RSPO3: variants seen among roughly 807,000 people sequenced by gnomAD.
RSPO3 encodes the protein R-spondin 3.
RSPO3 carries 17 observed loss-of-function variants against 36.5 expected under a neutral mutation model. That is an observed-to-expected ratio of 0.47 (90% confidence interval 0.32 to 0.70). The LOEUF is 0.70. Among genes scored for constraint, RSPO3 ranks in the 30% least tolerant of loss-of-function variants. The pLI, the probability that RSPO3 is intolerant of heterozygous loss-of-function variation, is 0.04. For synonymous variants in RSPO3, 108 were observed against 107.0 expected (o/e 1.01, Z -0.06); for missense variants, 294 against 322.5 (o/e 0.91, Z 0.68).
At chr6:127,141,664 G>A (rs1174578264) in intron 1 of RSPO3, among the ~76,000 whole-genome samples, 1 of 152,134 alleles carries the variant, frequency 6.6e-6, no homozygotes, top group East Asian at 1.9e-4. Flanking sequence ...GAGACTCTTA[G>A]GAATTCTGTC....
At chr6:127,170,419 T>C (rs939679441) in intron 4 of RSPO3, among the ~76,000 whole-genome samples, 1 of 147,496 alleles carries the variant, frequency 6.8e-6, no homozygotes, top group Admixed American at 6.9e-5. Context: ...GAAAACAGCA[T>C]GGTGGTTCCA....
intron 4 of RSPO3, among the ~76,000 whole-genome samples, chr6:127,175,620 A>G (rs1668848356): frequency 6.6e-6 from 1 of 151,774 alleles, no homozygotes; most frequent in Non-Finnish European, 1.5e-5. Context: ...AATTTGCTTA[A>G]GAAATCCTTT....
rs1438274483 is a variant in RSPO3 at position 127,148,638 on chromosome 6, G to T, written c.98-10G>T. 6.3e-7 allele frequency: 1 copy of T among 1,599,170 alleles called. No homozygotes were observed. Among genetic ancestry groups the T allele is most frequent in the Non-Finnish European group, 8.5e-7 (1 of 1,170,728 alleles). On this transcript the variant is annotated splice_polypyrimidine_tract_variant and intron_variant, in intron 1 of 4. Transcript: ENST00000356698. ...ACCTTTGTAATGTCTTTCTACATTT[G>T]TCTCCACAGTGCATCCTAACGTTAG...
intron 4 of RSPO3, among the ~76,000 whole-genome samples, chr6:127,191,015 GAAT>G (rs1775398962): frequency 6.6e-6 from 1 of 152,120 alleles, no homozygotes; most frequent in Non-Finnish European, 1.5e-5. Context: ...AAGTTAGGAA[GAAT>G]AATTCAGGAT....
At position 127,197,270 on chromosome 6, in the gene RSPO3, AC is replaced by A; in HGVS notation, c.*1264del. The A allele has an allele frequency of 1.2e-6, 1 of 852,170 alleles. No homozygotes were observed. The highest frequency in any genetic ancestry group is 1.8e-6 in the Non-Finnish European group (1 of 568,432). 52.8% of individuals were successfully genotyped at this position (852,170 alleles called of 1,614,324 possible). On this transcript the variant is annotated 3_prime_UTR_variant, in exon 5 of 5. Coordinates refer to ENST00000356698, the MANE Select transcript of RSPO3 (RefSeq NM_032784.5). ...TTATTCCATTTTCTTATTTTAATCA[AC>A]ATTCTAATTATAGACACATGGGCCT...
At chr6:127,124,496 A>C (rs1306031945) in intron 1 of RSPO3, among the ~76,000 whole-genome samples, 1 of 151,996 alleles carries the variant, frequency 6.6e-6, no homozygotes, top group Non-Finnish European at 1.5e-5. Flanking sequence ...CTAACAGTGC[A>C]TTATGTGCTG....
At chr6:127,144,448 C>T (rs1774339253) in intron 1 of RSPO3, among the ~76,000 whole-genome samples, 1 of 152,040 alleles carries the variant, frequency 6.6e-6, no homozygotes, top group African/African-American at 2.4e-5. Flanking sequence ...ATTATGATAG[C>T]TTCTACTTAC....
intron 4 of RSPO3, among the ~76,000 whole-genome samples, chr6:127,172,878 A>G (rs992879474): frequency 6.6e-6 from 1 of 151,824 alleles, no homozygotes; most frequent in African/African-American, 2.4e-5. Context: ...TTCTGAGTCC[A>G]GTGATATTTC....
chr6:127,188,426 A>T (rs1420773537), intron 4 of RSPO3, among the ~76,000 whole-genome samples: 1 of 152,132 alleles, frequency 6.6e-6, no homozygotes, highest in Non-Finnish European at 1.5e-5. Context: ...TAGCATTTTA[A>T]AATTTTAAAG....
intron 4 of RSPO3, among the ~76,000 whole-genome samples, chr6:127,161,335 A>G (rs1262016699): frequency 6.6e-6 from 1 of 152,038 alleles, no homozygotes; most frequent in Non-Finnish European, 1.5e-5. Flanking sequence ...TTTACATCCT[A>G]TTGTATGTTC....
chr6:127,170,032 C>T (rs966712225), intron 4 of RSPO3, among the ~76,000 whole-genome samples: 1 of 151,570 alleles, frequency 6.6e-6, no homozygotes, highest in African/African-American at 2.4e-5. Context: ...CAGATTTGAG[C>T]ATTAGACTAA....
chr6:127,166,974 A>C (rs1056139665), intron 4 of RSPO3, among the ~76,000 whole-genome samples: 6 of 151,978 alleles, frequency 3.9e-5, no homozygotes, highest in African/African-American at 1.4e-4. Flanking sequence ...ATTAAGTAAA[A>C]CACCACTTAA....
chr6:127,148,282 A>AG (rs1182331515), intron 1 of RSPO3, among the ~76,000 whole-genome samples: 1 of 151,908 alleles, frequency 6.6e-6, no homozygotes, highest in African/African-American at 2.4e-5. Flanking sequence ...CCAATCTCCC[A>AG]GGGTGCTAGT....
intron 2 of RSPO3, 142 bp downstream of exon 2, chr6:127,148,981 T>G (rs1471770234): frequency 5.7e-6 from 4 of 704,178 alleles, no homozygotes; most frequent in Non-Finnish European, 8.7e-6. Flanking sequence ...ATACTTGGAC[T>G]TAACCCTCAG....
chr6:127,120,977 C>A (rs1229630015), intron 1 of RSPO3, among the ~76,000 whole-genome samples: 1 of 152,222 alleles, frequency 6.6e-6, no homozygotes, highest in Non-Finnish European at 1.5e-5. Flanking sequence ...CAGGGTCTGG[C>A]CTGGGGAATT....
rs372625603 is a variant in RSPO3, at chr6:127,196,028, T to C, written c.*21T>C. On this transcript the variant is annotated 3_prime_UTR_variant, in exon 5 of 5. Coordinates refer to ENST00000356698, the MANE Select transcript of RSPO3 (RefSeq NM_032784.5). ...ACTAGAGGGTTCCATGAGATTATTG[T>C]AGACTCATGATGCTGCTATCTCAAC... The C allele has an allele frequency of 7.6e-6, 12 of 1,569,602 alleles. No individual in the cohort carries two copies. Among genetic ancestry groups the C allele is most frequent in the East Asian group, 2.3e-5 (1 of 44,080 alleles).
At chr6:127,133,842 T>C (rs1774103025) in intron 1 of RSPO3, among the ~76,000 whole-genome samples, 1 of 152,160 alleles carries the variant, frequency 6.6e-6, no homozygotes, top group Non-Finnish European at 1.5e-5. Context: ...ACAATTACTA[T>C]GTGCCAAAAT....
At chr6:127,164,017 A>G (rs1018857189) in intron 4 of RSPO3, among the ~76,000 whole-genome samples, 1 of 152,032 alleles carries the variant, frequency 6.6e-6, no homozygotes, top group Admixed American at 6.6e-5. Flanking sequence ...TCTGCTGCAG[A>G]GTCTTTCTCC....
intron 4 of RSPO3, among the ~76,000 whole-genome samples, chr6:127,174,411 C>T (rs560694412): frequency 6.6e-6 from 1 of 151,976 alleles, no homozygotes; most frequent in South Asian, 2.1e-4. Context: ...TTTACAAACA[C>T]TTCATTTAGC....
Sources: gnomAD v4.1 joint callset for allele counts (sites outside exome capture counted in the v4.1 genomes callset) on GRCh38, gnomAD v4.1.1 for gene constraint, MANE v1.5 for transcripts, NCBI Gene and HGNC (gene_info 2026-07-23, HGNC 2026-07-21) for gene names.